Variants in ADORA2B observed in about 807,000 individuals in gnomAD.
The protein encoded by ADORA2B is adenosine A2b receptor, also known as adenosine receptor A2b.
Under a neutral mutation model 20.8 loss-of-function variants are expected in ADORA2B, and 18 were observed. The observed-to-expected ratio is 0.87, with a 90% confidence interval of 0.60 to 1.29. The LOEUF (loss-of-function observed/expected upper bound fraction) is 1.29, where lower values mean the gene tolerates loss of function less well. Ranked by LOEUF, ADORA2B falls within the 50% of genes most tolerant of loss-of-function variation. ADORA2B has a pLI of 0.00. For missense variants in ADORA2B, 441 were observed against 422.7 expected (o/e 1.04, Z -0.38); for synonymous variants, 179 against 178.3 (o/e 1.00, Z -0.03).
At chr17:15,888,879 T>C in the ADORA2B span, among the ~76,000 whole-genome samples, 220 of 75,266 alleles carry the variant, frequency 2.9e-3, 36 homozygotes, top group African/African-American at 0.014. Context: ...TTTTTTTTTT[T>C]CGAGACAGAG....
chr17:15,945,495 T>C lies in ADORA2B; in HGVS notation c.247T>C (p.Cys83Arg). 3 of 1,611,924 alleles carry C rather than the reference T, an allele frequency of 1.9e-6. No homozygotes were observed. Among genetic ancestry groups the C allele is most frequent in the Non-Finnish European group, 2.5e-6 (3 of 1,179,552 alleles). ...TDFYGCLFLACFVLVLTQSSI... is the reference protein window; with the variant it reads ...TDFYGCLFLARFVLVLTQSSI... ...CTTCTACGGCTGCCTCTTCCTCGCC[T>C]GCTTCGTGCTGGTGCTCACGCAGAG... Residue 83 changes from cysteine (C) to arginine (R), a missense_variant, in exon 1 of 2, where the codon TGC becomes CGC. Physicochemically the swap from Cys to Arg is radical, Grantham distance 180. Transcript: ENST00000304222.
intron 1 of ADORA2B, among the ~76,000 whole-genome samples, chr17:15,949,486 C>A (rs776562249): frequency 1.3e-5 from 2 of 152,080 alleles, no homozygotes; most frequent in Non-Finnish European, 2.9e-5. Context: ...GCACTCCAGC[C>A]TGGGCAACAG....
chr17:15,875,579 T>G, the ADORA2B span, among the ~76,000 whole-genome samples: 3 of 152,204 alleles, frequency 2.0e-5, no homozygotes, highest in African/African-American at 7.2e-5. Flanking sequence ...GTCTGTTTAC[T>G]TAGTTTTCTT....
At chr17:15,941,924 T>C (rs1969748874), upstream of ADORA2B, among the ~76,000 whole-genome samples, 1 of 151,774 alleles carries the variant, frequency 6.6e-6, no homozygotes. Context: ...GGAAAATGTA[T>C]GATTCATTTC....
chr17:15,919,925 A>G, the ADORA2B span, among the ~76,000 whole-genome samples: 6 of 152,222 alleles, frequency 3.9e-5, no homozygotes, highest in Non-Finnish European at 7.3e-5. Context: ...GATTGATTGT[A>G]ATACAGACCC....
At chr17:15,958,898 G>A (rs1169219037) in intron 1 of ADORA2B, among the ~76,000 whole-genome samples, 1 of 152,184 alleles carries the variant, frequency 6.6e-6, no homozygotes, top group East Asian at 1.9e-4. Context: ...CATGTCTGTT[G>A]CTTTCTCATT....
the ADORA2B span, among the ~76,000 whole-genome samples, chr17:15,914,621 A>T: frequency 6.6e-6 from 1 of 152,230 alleles, no homozygotes; most frequent in Admixed American, 6.5e-5. Flanking sequence ...CCTGTGGGTC[A>T]CCCATTGTGT....
chr17:15,967,793 G>C (rs1384428811), intron 1 of ADORA2B, among the ~76,000 whole-genome samples: 1 of 152,200 alleles, frequency 6.6e-6, no homozygotes, highest in Non-Finnish European at 1.5e-5. Context: ...GTGTTTGGCT[G>C]TCCTGTAGCT....
the ADORA2B span, among the ~76,000 whole-genome samples, chr17:15,930,879 A>G: frequency 6.6e-6 from 1 of 152,200 alleles, no homozygotes; most frequent in Non-Finnish European, 1.5e-5. Flanking sequence ...TATCCACCTG[A>G]GTGTTTGTTC....
chr17:15,884,300 C>G, the ADORA2B span, among the ~76,000 whole-genome samples: 1 of 152,250 alleles, frequency 6.6e-6, no homozygotes, highest in Non-Finnish European at 1.5e-5. Flanking sequence ...TGTTCTAGAT[C>G]TGTGCTGGCT....
the ADORA2B span, among the ~76,000 whole-genome samples, chr17:15,920,273 A>G: frequency 6.6e-6 from 1 of 152,324 alleles, no homozygotes; most frequent in East Asian, 1.9e-4. Flanking sequence ...GGTGCAATGT[A>G]CACTATTCAG....
chr17:15,855,151 G>T, the ADORA2B span, among the ~76,000 whole-genome samples: 1 of 151,760 alleles, frequency 6.6e-6, no homozygotes, highest in Non-Finnish European at 1.5e-5. Context: ...GGCTGCTCTT[G>T]AACTCCTGAC....
At chr17:15,877,212 C>T in the ADORA2B span, among the ~76,000 whole-genome samples, 6 of 152,238 alleles carry the variant, frequency 3.9e-5, no homozygotes, top group African/African-American at 1.2e-4. Flanking sequence ...ATGTCACATA[C>T]GAATTTCGCT....
At chr17:15,956,889 C>T (rs768695652) in intron 1 of ADORA2B, among the ~76,000 whole-genome samples, 20 of 152,094 alleles carry the variant, frequency 1.3e-4, no homozygotes, top group African/African-American at 4.6e-4. Context: ...CATGAGCCAC[C>T]GCACCCGGCC....
chr17:15,912,900 A>T, the ADORA2B span, among the ~76,000 whole-genome samples: 6 of 152,198 alleles, frequency 3.9e-5, no homozygotes, highest in Admixed American at 3.9e-4. Context: ...CTGAGCACAC[A>T]CACTTTACAG....
the ADORA2B span, among the ~76,000 whole-genome samples, chr17:15,899,619 C>A: frequency 6.6e-6 from 1 of 152,062 alleles, no homozygotes; most frequent in African/African-American, 2.4e-5. Flanking sequence ...CTTGTAGTCC[C>A]CAGTGTCTAT....
At chr17:15,968,043 A>G (rs1970143111) in intron 1 of ADORA2B, among the ~76,000 whole-genome samples, 1 of 152,150 alleles carries the variant, frequency 6.6e-6, no homozygotes, top group South Asian at 2.1e-4. Flanking sequence ...ACAATCAAAC[A>G]AGGTAGATCA....
intron 1 of ADORA2B, among the ~76,000 whole-genome samples, chr17:15,951,132 A>G (rs1271842289): frequency 6.6e-6 from 1 of 152,240 alleles, no homozygotes; most frequent in Non-Finnish European, 1.5e-5. Context: ...GCAGGTGTAC[A>G]GTGAGGGCCC....
In ADORA2B at chr17:15,953,154, C is replaced by T. The variant is rs556115663; in HGVS notation, c.335+7571C>T. On this transcript the variant is annotated intron_variant, in intron 1 of 1. Transcript: ENST00000304222. ...GGAGCAGGGGGACTCCTGAGCTGGC[C>T]TGGCACCTTGGGTGCTTCGCACCCG... Among the ~76,000 whole-genome samples the T allele has an allele frequency of 2.0e-5, 3 of 152,234 alleles. No individual in the cohort carries two copies. The East Asian group carries it at 5.8e-4, about 30-fold the overall frequency.
Sources: gnomAD v4.1 joint callset for allele counts (sites outside exome capture counted in the v4.1 genomes callset) on GRCh38, gnomAD v4.1.1 for gene constraint, MANE v1.5 for transcripts, NCBI Gene and HGNC (gene_info 2026-07-23, HGNC 2026-07-21) for gene names.